ST18: variants seen among roughly 807,000 people sequenced by gnomAD.
ST18 encodes ST18 C2H2C-type zinc finger transcription factor.
A neutral mutation model predicts 110.0 loss-of-function variants in ST18; 50 were observed. The ratio of observed to expected loss-of-function variants is 0.45; its 90% CI spans 0.36 to 0.58. ST18 has a LOEUF of 0.58. ST18 is among the 20% of genes least tolerant of loss of function. The pLI, the probability that ST18 is intolerant of heterozygous loss-of-function variation, is 0.00. For missense variants in ST18, 1,306 were observed against 1,280.1 expected (o/e 1.02, Z -0.31); for synonymous variants, 461 against 452.4 (o/e 1.02, Z -0.24).
intron 2 of ST18, among the ~76,000 whole-genome samples, chr8:52,408,073 C>T (rs1226334364): frequency 6.6e-6 from 1 of 152,026 alleles, no homozygotes; most frequent in Non-Finnish European, 1.5e-5. Context: ...AAACTAAGGA[C>T]GCTGTCTCAC....
At chr8:52,137,508 T>G in intron 17 of ST18, 25 bp from the exon 18 acceptor site, 2 of 1,612,838 alleles carry the variant, frequency 1.2e-6, no homozygotes, top group Non-Finnish European at 1.7e-6. Flanking sequence ...AATACATCAT[T>G]AGAGTCAAGC....
intron 19 of ST18, 120 bp from the exon 20 acceptor site, chr8:52,133,421 G>T (rs916880589): frequency 3.4e-6 from 4 of 1,175,736 alleles, no homozygotes; most frequent in Non-Finnish European, 2.5e-6. Flanking sequence ...TGTAGTTCAC[G>T]TGGAGGGAGG....
intron 2 of ST18, among the ~76,000 whole-genome samples, chr8:52,351,582 ATCT>A (rs1179986445): frequency 2.6e-5 from 4 of 152,190 alleles, no homozygotes; most frequent in Non-Finnish European, 5.9e-5. Flanking sequence ...TTTTTTACAC[ATCT>A]TCTTTGTAAT....
At chr8:52,368,014 T>C (rs754391976) in intron 2 of ST18, among the ~76,000 whole-genome samples, 2 of 152,240 alleles carry the variant, frequency 1.3e-5, no homozygotes, top group Non-Finnish European at 2.9e-5. Context: ...GATTTTAGTG[T>C]TAAGATAGGG....
chr8:52,353,638 T>C (rs1821372179), intron 2 of ST18, among the ~76,000 whole-genome samples: 1 of 152,168 alleles, frequency 6.6e-6, no homozygotes, highest in Non-Finnish European at 1.5e-5. Context: ...TTTAATCAGG[T>C]GTTTCAAAGC....
At chr8:52,274,945 A>G (rs189674263) in intron 2 of ST18, among the ~76,000 whole-genome samples, 200 of 152,298 alleles carry the variant, frequency 1.3e-3, no homozygotes, top group Non-Finnish European at 2.2e-3. Context: ...AATATACAGA[A>G]CATTGTTTAT....
chr8:52,199,019 A>C (rs1301388378), intron 8 of ST18: 1 of 151,814 alleles, frequency 6.6e-6, no homozygotes, highest in Admixed American at 6.6e-5. Flanking sequence ...ATTGGTACTC[A>C]TGGGGTGCCC....
At chr8:52,295,566 T>A (rs1056765273) in intron 2 of ST18, among the ~76,000 whole-genome samples, 4 of 152,094 alleles carry the variant, frequency 2.6e-5, no homozygotes, top group African/African-American at 7.2e-5. Flanking sequence ...CAAAATTTCA[T>A]TTTCTCTCTC....
At chr8:52,154,451 A>G (rs2059536075) in intron 15 of ST18, 2 of 152,304 alleles carry the variant, frequency 1.3e-5, no homozygotes, top group South Asian at 4.1e-4. Flanking sequence ...CCTGGCAAGC[A>G]GCAGCGATGA....
chr8:52,347,221 A>T (rs1040765251), intron 2 of ST18, among the ~76,000 whole-genome samples: 1 of 152,194 alleles, frequency 6.6e-6, no homozygotes, highest in African/African-American at 2.4e-5. Context: ...TAAATAGTAA[A>T]TCTGTAAGGT....
Position 52,375,775 on chromosome 8 carries a change from G to C in ST18, c.-465+33553C>G, listed in dbSNP as rs185819622. On this transcript the variant is annotated intron_variant, in intron 2 of 25. Transcript: ENST00000689386. ...ACTGCCTATTTGGTATCTCCACTAGGATGTCTTGCACGCACATTAAATCAA... is the reference window on the plus strand; with the variant it reads ...ACTGCCTATTTGGTATCTCCACTAGCATGTCTTGCACGCACATTAAATCAA... 3.3e-5 allele frequency among the ~76,000 whole-genome samples: 5 copies of C among 152,240 alleles called. No homozygotes were observed. The East Asian group carries it at 9.7e-4, about 29-fold the overall frequency.
chr8:52,203,718 G>T (rs897267565), intron 8 of ST18, among the ~76,000 whole-genome samples: 1 of 152,170 alleles, frequency 6.6e-6, no homozygotes, highest in African/African-American at 2.4e-5. Flanking sequence ...TAGGACTGGG[G>T]AGAAAAGAGA....
At chr8:52,361,558 TC>T (rs1450872469) in intron 2 of ST18, among the ~76,000 whole-genome samples, 2 of 152,218 alleles carry the variant, frequency 1.3e-5, no homozygotes, top group African/African-American at 4.8e-5. Flanking sequence ...TTTAAATAAT[TC>T]CTTTTGTTCA....
intron 3 of ST18, among the ~76,000 whole-genome samples, chr8:52,222,949 T>C (rs540477611): frequency 1.3e-5 from 2 of 152,246 alleles, no homozygotes; most frequent in East Asian, 1.9e-4. Context: ...TACTTTTGCA[T>C]TGAAACTCAT....
intron 2 of ST18, among the ~76,000 whole-genome samples, chr8:52,281,188 G>T (rs550135979): frequency 6.6e-6 from 1 of 152,236 alleles, no homozygotes; most frequent in South Asian, 2.1e-4. Flanking sequence ...TAGGGATAAT[G>T]TGTAGCCTTA....
chr8:52,133,193 T>C, intron 20 of ST18, 46 bp downstream of exon 20: 1 of 1,614,222 alleles, frequency 6.2e-7, no homozygotes, highest in African/African-American at 1.3e-5. Flanking sequence ...CTCTGACTGC[T>C]GCCGACAAGC....
intron 2 of ST18, among the ~76,000 whole-genome samples, chr8:52,264,257 T>C (rs572917742): frequency 2.0e-5 from 3 of 152,322 alleles, no homozygotes; most frequent in Non-Finnish European, 2.9e-5. Context: ...TTTAAGAAAA[T>C]TGATACCCAT....
chr8:52,290,032 G>A (rs951962016), intron 2 of ST18, among the ~76,000 whole-genome samples: 3 of 152,056 alleles, frequency 2.0e-5, no homozygotes, highest in Non-Finnish European at 2.9e-5. Flanking sequence ...AGGTCTTAAG[G>A]CAGCGTCTTC....
chr8:52,341,815 G>C lies in ST18; in HGVS notation c.-465+67513C>G, dbSNP rs142990456. ...GAGCTGTACTGTCGGACACAGAGCA[G>C]CCTCTGCCCCTTAGGCTCCCAGCTC... On this transcript the variant is annotated intron_variant, in intron 2 of 25. Transcript: ENST00000689386. 9.5e-4 allele frequency among the ~76,000 whole-genome samples: 145 copies of C among 152,288 alleles called. 3 individuals carry two copies. The East Asian group carries it at 0.025, about 26-fold the overall frequency.
Sources: allele counts gnomAD v4.1 joint callset (sites outside exome capture counted in the v4.1 genomes callset), GRCh38; gene constraint gnomAD v4.1.1; transcripts MANE v1.5; gene names NCBI Gene and HGNC (gene_info 2026-07-23, HGNC 2026-07-21).